The following SCNN1G variants were observed in gnomAD, a reference collection of about 807,000 sequenced individuals.
The protein encoded by SCNN1G is sodium channel epithelial 1 subunit gamma.
Under a neutral mutation model 64.6 loss-of-function variants are expected in SCNN1G, and 27 were observed. The observed-to-expected ratio is 0.42, with a 90% CI of 0.31 to 0.58. SCNN1G has a LOEUF of 0.58. Among genes scored for constraint, SCNN1G ranks in the 20% least tolerant of loss-of-function variants. SCNN1G has a pLI of 0.18. For synonymous variants in SCNN1G, 330 were observed against 314.2 expected (o/e 1.05, Z -0.53); for missense variants, 743 against 823.4 (o/e 0.90, Z 1.19).
intron 7 of SCNN1G, among the ~76,000 whole-genome samples, chr16:23,211,442 C>T (rs1359657271): frequency 6.6e-6 from 1 of 152,194 alleles, no homozygotes; most frequent in Non-Finnish European, 1.5e-5. Flanking sequence ...TGTGTTGGCA[C>T]CCACATGATG....
chr16:23,203,584 T>C (rs949338742), intron 6 of SCNN1G, among the ~76,000 whole-genome samples: 2 of 151,650 alleles, frequency 1.3e-5, no homozygotes, highest in South Asian at 2.1e-4. Context: ...TCCTGGCTAA[T>C]ACAGTGAAAC....
At chr16:23,207,718 T>C (rs1013886971) in intron 6 of SCNN1G, among the ~76,000 whole-genome samples, 9 of 152,182 alleles carry the variant, frequency 5.9e-5, no homozygotes, top group African/African-American at 2.2e-4. Context: ...TTCTGTTGTT[T>C]AAACAGTTTT....
At chr16:23,204,661 T>C (rs956365209) in intron 6 of SCNN1G, among the ~76,000 whole-genome samples, 2 of 151,912 alleles carry the variant, frequency 1.3e-5, no homozygotes, top group Non-Finnish European at 2.9e-5. Context: ...TAGGGTACTT[T>C]TTCACATGCA....
chr16:23,215,832 A>C lies in SCNN1G; in HGVS notation c.*363A>C. ...AGGGAAGGACTCTTCCAAAGCCCCA[A>C]AGCCGAGGGTTTCACCCACACTGCC... is the stretch of plus-strand genomic sequence containing the variant. On this transcript the variant is annotated 3_prime_UTR_variant, in exon 13 of 13. Coordinates refer to ENST00000300061, the MANE Select transcript of SCNN1G (RefSeq NM_001039.4). 3.0e-6 allele frequency: 1 copy of C among 332,842 alleles called. No individual in the cohort carries two copies. 20.6% of individuals were successfully genotyped at this position (332,842 alleles called of 1,614,324 possible). A position where few individuals can be genotyped will look rare whatever the true frequency, so the allele number is the denominator to read the frequency against.
chr16:23,213,046 G>C, intron 10 of SCNN1G, 56 bp from the exon 11 acceptor site: 1 of 1,561,328 alleles, frequency 6.4e-7, no homozygotes, highest in Non-Finnish European at 8.8e-7. Flanking sequence ...TGAGGCGGGA[G>C]GCTGGCCCTA....
chr16:23,197,119 C>A (rs1199771199), intron 5 of SCNN1G, 145 bp from the exon 6 acceptor site: 1 of 718,250 alleles, frequency 1.4e-6, no homozygotes, highest in Non-Finnish European at 2.5e-6. Context: ...TCTCACGGAG[C>A]TTCCAGTCTA....
At chr16:23,203,497 G>A (rs549319212) in intron 6 of SCNN1G, among the ~76,000 whole-genome samples, 12 of 152,190 alleles carry the variant, frequency 7.9e-5, no homozygotes, top group African/African-American at 2.6e-4. Context: ...TGGGTCAGGC[G>A]CGGTGGCTCA....
chr16:23,193,020 G>T (rs1959734752), intron 4 of SCNN1G, among the ~76,000 whole-genome samples: 1 of 122,328 alleles, frequency 8.2e-6, no homozygotes. Context: ...AATAAGCCAA[G>T]ATTGCACTAC....
intron 11 of SCNN1G, among the ~76,000 whole-genome samples, 171 bp downstream of exon 11, chr16:23,213,334 C>T (rs1427450289): frequency 6.8e-6 from 1 of 147,184 alleles, no homozygotes; most frequent in Non-Finnish European, 1.5e-5. Flanking sequence ...CTCACTGTAA[C>T]TTCTGCCTCC....
At chr16:23,184,364 G>T (rs1047738123) in intron 1 of SCNN1G, among the ~76,000 whole-genome samples, 2 of 152,036 alleles carry the variant, frequency 1.3e-5, no homozygotes, top group African/African-American at 4.8e-5. Context: ...ACAAGCAATT[G>T]AACCTGGACC....
At chr16:23,183,393 C>A (rs1959553642) in intron 1 of SCNN1G, among the ~76,000 whole-genome samples, 1 of 152,180 alleles carries the variant, frequency 6.6e-6, no homozygotes, top group South Asian at 2.1e-4. Flanking sequence ...GATTTCTGCA[C>A]AGGACTCGCC....
chr16:23,209,976 C>T, intron 7 of SCNN1G, 128 bp downstream of exon 7: 2 of 728,752 alleles, frequency 2.7e-6, no homozygotes, highest in Non-Finnish European at 5.0e-6. Flanking sequence ...CATCCAGAGA[C>T]CTCAAGAACA....
rs745715995 is a variant in SCNN1G at position 23,215,346 on chromosome 16, G to C, written c.1827G>C (p.Leu609Phe). 1.2e-4 allele frequency: 195 copies of C among 1,614,132 alleles called. No individual in the cohort carries two copies. The highest frequency in any genetic ancestry group is 5.3e-4 in the East Asian group (24 of 44,872). ...DDDLPTFNSA[L>F]HLPPALGTQV... ...ACCTACCCACTTTCAACTCTGCTTTGCACCTGCCTCCAGCCCTAGGAACCC... is the reference window on the plus strand; with the variant it reads ...ACCTACCCACTTTCAACTCTGCTTTCCACCTGCCTCCAGCCCTAGGAACCC... Residue 609 changes from leucine to phenylalanine, a missense_variant, in exon 13 of 13, where the codon TTG becomes TTC. By Grantham distance (22) the Leu-to-Phe change is conservative. Coordinates refer to ENST00000300061, the MANE Select transcript of SCNN1G (RefSeq NM_001039.4).
intron 3 of SCNN1G, among the ~76,000 whole-genome samples, chr16:23,190,830 G>GGT (rs1196971618): frequency 8.7e-6 from 1 of 114,594 alleles, no homozygotes; most frequent in Non-Finnish European, 1.8e-5. Context: ...CATTTGAGGG[G>GGT]ATTTTTTTTT....
intron 2 of SCNN1G, among the ~76,000 whole-genome samples, chr16:23,187,299 G>A (rs182785775): frequency 1.3e-5 from 2 of 151,950 alleles, no homozygotes; most frequent in Admixed American, 1.3e-4. Flanking sequence ...TTAAGAGATG[G>A]GGTCTCGCTA....
Position 23,186,295 on chromosome 16 carries a change from A to T in SCNN1G, c.24A>T (p.Lys8Asn). ...CCATGGCACCCGGAGAGAAGATCAA[A>T]GCCAAAATCAAGAAGAATCTGCCCG... MAPGEKI[K>N]AKIKKNLPVT... Residue 8 changes from lysine to asparagine, a missense_variant, in exon 2 of 13, where the codon AAA (lysine) becomes AAT (asparagine). By Grantham distance (94) the Lys-to-Asn change is moderately conservative. Coordinates refer to ENST00000300061, the MANE Select transcript of SCNN1G (RefSeq NM_001039.4). 1.2e-6 allele frequency: 2 copies of T among 1,614,222 alleles called. No homozygotes were observed. The highest frequency in any genetic ancestry group is 8.5e-7 in the Non-Finnish European group (1 of 1,180,044).
intron 2 of SCNN1G, among the ~76,000 whole-genome samples, chr16:23,186,865 G>A (rs1385488967): frequency 6.6e-6 from 1 of 152,072 alleles, no homozygotes. Flanking sequence ...AGGCTGGGAT[G>A]CAGTGGTGCG....
intron 1 of SCNN1G, among the ~76,000 whole-genome samples, chr16:23,186,021 T>C (rs116303373): frequency 1.4e-4 from 22 of 152,290 alleles, no homozygotes; most frequent in African/African-American, 5.3e-4. Context: ...AGTAGGCAGC[T>C]TCTCTGGCAG....
rs571370814 is a variant in SCNN1G at position 23,198,452 on chromosome 16, C to T, written c.1077+1025C>T. 4.7e-4 allele frequency among the ~76,000 whole-genome samples: 71 copies of T among 152,280 alleles called. 1 individual carries two copies. The highest frequency in any genetic ancestry group is 1.2e-3 in the Admixed American group (18 of 15,286). Reference sequence around the variant, plus strand: ...ATGACTGTTAAGAACTTATTTAGACCGGGCACAGTGGCTCATGCCTATAAT... The same window carrying T: ...ATGACTGTTAAGAACTTATTTAGACTGGGCACAGTGGCTCATGCCTATAAT... On this transcript the variant is annotated intron_variant, in intron 6 of 12. Coordinates refer to ENST00000300061, the MANE Select transcript of SCNN1G (RefSeq NM_001039.4).
Sources: gnomAD v4.1 joint callset for allele counts (sites outside exome capture counted in the v4.1 genomes callset) on GRCh38, gnomAD v4.1.1 for gene constraint, MANE v1.5 for transcripts, NCBI Gene and HGNC (gene_info 2026-07-23, HGNC 2026-07-21) for gene names.